The following WDR47 variants were observed in gnomAD, a reference collection of about 807,000 sequenced individuals.
The protein encoded by WDR47 is WD repeat domain 47.
A neutral mutation model predicts 97.2 loss-of-function variants in WDR47; 32 were observed. That is an observed-to-expected ratio of 0.33 (90% CI 0.25 to 0.44). WDR47 has a LOEUF of 0.44. WDR47 is among the 20% of genes least tolerant of loss of function. The probability of loss-of-function intolerance (pLI) is 1.00; values close to 1 mark genes in which losing one functional copy is unlikely to be tolerated. For missense variants in WDR47, 782 were observed against 1,102.3 expected (o/e 0.71, Z 4.11); for synonymous variants, 375 against 373.5 (o/e 1.00, Z -0.05).
intron 1 of WDR47, among the ~76,000 whole-genome samples, chr1:109,032,335 C>A (rs28387684): frequency 0.57 from 74,626 of 131,938 alleles, 27,456 homozygotes; most frequent in East Asian, 0.84. Flanking sequence ...GGTGAAACCC[C>A]GTCTCTACTA....
At chr1:108,977,551 T>C (rs1250756077) in intron 13 of WDR47, among the ~76,000 whole-genome samples, 8 of 152,210 alleles carry the variant, frequency 5.3e-5, no homozygotes, top group Non-Finnish European at 1.0e-4. Flanking sequence ...ACTGTTTCTC[T>C]ACTAAGAACT....
At chr1:108,990,618 TTTATG>T (rs1393172214) in intron 9 of WDR47, among the ~76,000 whole-genome samples, 2 of 152,142 alleles carry the variant, frequency 1.3e-5, no homozygotes, top group African/African-American at 2.4e-5. Flanking sequence ...ATTTTATTAA[TTTATG>T]TTATCTATTT....
intron 1 of WDR47, among the ~76,000 whole-genome samples, chr1:109,023,952 C>G (rs1159353841): frequency 1.3e-5 from 2 of 152,116 alleles, no homozygotes. Flanking sequence ...ATAACCAAAC[C>G]ATGTTTAGCT....
At chr1:108,991,061 G>A (rs1314419541) in intron 9 of WDR47, among the ~76,000 whole-genome samples, 193 bp downstream of exon 9, 1 of 151,676 alleles carries the variant, frequency 6.6e-6, no homozygotes, top group Non-Finnish European at 1.5e-5. Context: ...TGGTGCAACG[G>A]CTATCCACAG....
At chr1:109,006,142 C>G (rs974555092) in intron 5 of WDR47, among the ~76,000 whole-genome samples, 1 of 152,070 alleles carries the variant, frequency 6.6e-6, no homozygotes, top group Non-Finnish European at 1.5e-5. Context: ...CATCTGTAAT[C>G]CCAGCACTTT....
At chr1:108,995,937 T>C in intron 7 of WDR47, 100 bp from the exon 8 acceptor site, 1 of 1,192,204 alleles carries the variant, frequency 8.4e-7, no homozygotes, top group Non-Finnish European at 1.2e-6. Context: ...TATGCACATA[T>C]AATATATAAT....
chr1:109,035,723 C>T (rs555659616), intron 1 of WDR47, among the ~76,000 whole-genome samples: 20 of 151,900 alleles, frequency 1.3e-4, no homozygotes, highest in Non-Finnish European at 2.4e-4. Flanking sequence ...CTCGAACTCC[C>T]GACCTCAGGT....
chr1:108,987,758 G>A (rs974332200), intron 9 of WDR47, among the ~76,000 whole-genome samples: 6 of 151,978 alleles, frequency 3.9e-5, no homozygotes, highest in Admixed American at 2.0e-4. Flanking sequence ...ATGAGCCACC[G>A]CACCTGGTTC....
At position 109,031,848 on chromosome 1, in the gene WDR47, G is replaced by A. The variant is rs189373719; in HGVS notation, c.-9-8327C>T. Among the ~76,000 whole-genome samples, 19 of 115,472 alleles carry A rather than the reference G, an allele frequency of 1.6e-4. 3 individuals are homozygous for A. Among genetic ancestry groups the A allele is most frequent in the African/African-American group, 6.0e-4 (19 of 31,648 alleles). 75.8% of individuals were successfully genotyped at this position (115,472 alleles called of 152,430 possible). On this transcript the variant is annotated intron_variant, in intron 1 of 14. Coordinates refer to ENST00000369962, the MANE Select transcript of WDR47 (RefSeq NM_001142551.2). ...AGGGTCTTGCTCTCAACACCAGGCT[G>A]AAGTGCAGTGGCACGATCTTAGCTC...
In WDR47 at chr1:108,982,511, G is replaced by C. The variant is rs576582159; in HGVS notation, c.2266+98C>G. ...TGTGCCACTGCACTCTGGACAGTAAGAGCAAGACCCTGTCTCTTAGAAAAG... is the reference window on the plus strand; with the variant it reads ...TGTGCCACTGCACTCTGGACAGTAACAGCAAGACCCTGTCTCTTAGAAAAG... On this transcript the variant is annotated intron_variant, in intron 12 of 14. Coordinates refer to ENST00000369962, the MANE Select transcript of WDR47 (RefSeq NM_001142551.2). The C allele has an allele frequency of 9.6e-5, 137 of 1,431,396 alleles. 1 individual carries two copies. In the South Asian group the frequency reaches 1.7e-3, roughly 18 times the overall value. The allele number at this position is 1,431,396 out of a possible 1,614,324, so 88.7% of individuals were successfully genotyped here.
At chr1:108,992,525 C>T (rs950421958) in intron 8 of WDR47, 1 of 1,502,014 alleles carries the variant, frequency 6.7e-7, no homozygotes, top group Non-Finnish European at 9.2e-7. Context: ...GACACAAGGT[C>T]GGTGGCCCAA....
intron 8 of WDR47, chr1:108,992,797 G>A (rs1659461006): frequency 6.3e-7 from 1 of 1,591,954 alleles, no homozygotes; most frequent in African/African-American, 1.3e-5. Context: ...GGATATCCCA[G>A]AAGAAACTGA....
rs184515595 is a variant in WDR47, at chr1:109,010,985, T to A, written c.1061A>T (p.Gln354Leu). The change falls in exon 5 of 15, where the codon CAA (glutamine) becomes CTA (leucine). Residue 354 changes from glutamine (Q) to leucine (L), a missense_variant. By Grantham distance (113) the Gln-to-Leu change is moderately radical. Transcript: ENST00000369962. ...AAGCATGAGACTTCTACTGAGGTTT[T>A]GTACCCCTGGATAATGGAAGTTAGC... ...SFANFHYPGV[Q>L]NLSRSLMLEN... is the part of the protein sequence containing the mutation. The A allele has an allele frequency of 5.0e-6, 8 of 1,614,176 alleles. No homozygotes were observed. The Admixed American group carries it at 1.2e-4, about 24-fold the overall frequency.
At chr1:109,032,657 G>A (rs955072807) in intron 1 of WDR47, among the ~76,000 whole-genome samples, 24 of 152,114 alleles carry the variant, frequency 1.6e-4, no homozygotes, top group African/African-American at 5.3e-4. Context: ...CAGCACTTTG[G>A]GAGGCCAGGT....
intron 3 of WDR47, among the ~76,000 whole-genome samples, chr1:109,017,200 C>T (rs1661480734): frequency 6.6e-6 from 1 of 152,050 alleles, no homozygotes; most frequent in African/African-American, 2.4e-5. Context: ...CAAATGAACA[C>T]AAGGGAAGCC....
chr1:109,025,987 G>C (rs1344226306), intron 1 of WDR47, among the ~76,000 whole-genome samples: 1 of 151,590 alleles, frequency 6.6e-6, no homozygotes, highest in Non-Finnish European at 1.5e-5. Context: ...CCATCCTCCT[G>C]TTCACAGACT....
chr1:108,991,443 C>A, intron 8 of WDR47, 114 bp from the exon 9 acceptor site: 2 of 776,048 alleles, frequency 2.6e-6, no homozygotes, highest in Non-Finnish European at 4.1e-6. Context: ...TAGCTGACTC[C>A]AAAGTTACTC....
intron 13 of WDR47, among the ~76,000 whole-genome samples, chr1:108,978,074 G>A (rs1338621283): frequency 1.3e-5 from 2 of 150,576 alleles, no homozygotes; most frequent in African/African-American, 4.9e-5. Flanking sequence ...GTTCCAAGCT[G>A]TATATACTGT....
intron 1 of WDR47, among the ~76,000 whole-genome samples, chr1:109,039,319 A>G (rs371623607): frequency 6.6e-6 from 1 of 151,686 alleles, no homozygotes; most frequent in Non-Finnish European, 1.5e-5. Context: ...AGTGGCATGC[A>G]TGATCTTGGC....
Sources: allele counts gnomAD v4.1 joint callset (sites outside exome capture counted in the v4.1 genomes callset), GRCh38; gene constraint gnomAD v4.1.1; transcripts MANE v1.5; gene names NCBI Gene and HGNC (gene_info 2026-07-23, HGNC 2026-07-21).